The following PLEKHG5 variants were observed in gnomAD, a reference collection of about 807,000 sequenced individuals.
PLEKHG5 encodes pleckstrin homology and RhoGEF domain containing G5, also known as pleckstrin homology domain-containing family G member 5.
PLEKHG5 carries 52 observed loss-of-function variants against 103.8 expected under a neutral mutation model. The observed-to-expected ratio is 0.50, with a 90% CI of 0.40 to 0.63. The LOEUF is 0.63. PLEKHG5 is among the 30% of genes least tolerant of loss of function. The pLI, the probability that PLEKHG5 is intolerant of heterozygous loss-of-function variation, is 0.00. For missense variants in PLEKHG5, 1,205 were observed against 1,347.6 expected (o/e 0.89, Z 1.66); for synonymous variants, 592 against 575.5 (o/e 1.03, Z -0.41).
intron 1 of PLEKHG5, among the ~76,000 whole-genome samples, chr1:6,481,502 G>T (rs114843222): frequency 0.01 from 1,528 of 151,576 alleles, 21 homozygotes; most frequent in African/African-American, 0.035. Flanking sequence ...TCGCACTCCA[G>T]CCTGGGGCAA....
intron 7 of PLEKHG5, 112 bp from the exon 8 acceptor site, chr1:6,473,566 A>T: frequency 1.2e-6 from 1 of 803,316 alleles, no homozygotes. Flanking sequence ...GGGTCTCTGC[A>T]TCTCTACCCT....
chr1:6,503,363 C>T (rs888715830), intron 1 of PLEKHG5, among the ~76,000 whole-genome samples: 2 of 150,696 alleles, frequency 1.3e-5, no homozygotes, highest in Admixed American at 6.6e-5. Flanking sequence ...GCTGTGATCT[C>T]GCCACTGCAC....
At chr1:6,489,884 G>A (rs1364805051) in intron 1 of PLEKHG5, among the ~76,000 whole-genome samples, 1 of 152,202 alleles carries the variant, frequency 6.6e-6, no homozygotes, top group African/African-American at 2.4e-5. Context: ...CTCAACTTGA[G>A]GAGTTACTAA....
chr1:6,500,793 G>A (rs1029456564), upstream of PLEKHG5, among the ~76,000 whole-genome samples: 31 of 152,034 alleles, frequency 2.0e-4, no homozygotes, highest in Admixed American at 8.5e-4. Flanking sequence ...GCCTCCCCAC[G>A]TGCGCAACAG....
chr1:6,467,970 T>C lies in PLEKHG5; in HGVS notation c.2866A>G (p.Arg956Gly), dbSNP rs1644439373. ...AGEPAGSHRK[R>G]CGDLPSGASP... ...GCCCCCGAGGGCAGGTCTCCACACCTCTTCCTGTGGGAGCCTGCAGGTTCC... is the reference window on the plus strand; with the variant it reads ...GCCCCCGAGGGCAGGTCTCCACACCCCTTCCTGTGGGAGCCTGCAGGTTCC... Residue 956 changes from arginine to glycine, a missense_variant, in exon 20 of 21, where the codon AGG (arginine) becomes GGG (glycine). Transcript: ENST00000377728. 6.4e-7 allele frequency: 1 copy of C among 1,562,114 alleles called. No homozygotes were observed. Among genetic ancestry groups the C allele is most frequent in the African/African-American group, 1.4e-5 (1 of 73,672 alleles).
chr1:6,488,374 AG>A (rs2148618242), intron 1 of PLEKHG5, among the ~76,000 whole-genome samples: 2 of 152,370 alleles, frequency 1.3e-5, no homozygotes, highest in East Asian at 3.9e-4. Flanking sequence ...TGGGGCCTGA[AG>A]ACAGCTGAAT....
Position 6,468,277 on chromosome 1 carries a change from T to G in PLEKHG5, c.2559A>C (p.Pro853=), listed in dbSNP as rs1013889663. The G allele has an allele frequency of 6.2e-7, 1 of 1,602,842 alleles. No homozygotes were observed. Among genetic ancestry groups the G allele is most frequent in the Non-Finnish European group, 8.5e-7 (1 of 1,174,394 alleles). Residue 853 remains proline, a synonymous_variant, in exon 20 of 21, where the codon CCA becomes CCC. Transcript: ENST00000377728. ...APESPRVPSP[P]PSPRLRRRTP... ...TGCGGCGGCGGAGACGGGGCGAGGG[T>G]GGAGGGGAAGGAACTCGTGGGGACT...
chr1:6,498,391 A>G (rs536422317), upstream of PLEKHG5, among the ~76,000 whole-genome samples: 1 of 152,198 alleles, frequency 6.6e-6, no homozygotes, highest in Admixed American at 6.5e-5. Context: ...ACAGGTGACC[A>G]GAAACTGGTG....
At chr1:6,468,653 G>A in intron 19 of PLEKHG5, 67 bp from the exon 20 acceptor site, 2 of 1,559,796 alleles carry the variant, frequency 1.3e-6, no homozygotes, top group Non-Finnish European at 1.8e-6. Context: ...GCCCCAGGCT[G>A]GGCAATGCAC....
intron 1 of PLEKHG5, among the ~76,000 whole-genome samples, chr1:6,507,591 G>T (rs982989220): frequency 2.0e-5 from 3 of 152,218 alleles, no homozygotes; most frequent in Non-Finnish European, 4.4e-5. Context: ...CCAGGCAGAG[G>T]GAGCTGGCAG....
upstream of PLEKHG5, among the ~76,000 whole-genome samples, chr1:6,495,941 C>T (rs74049592): frequency 0.061 from 9,305 of 152,300 alleles, 885 homozygotes; most frequent in African/African-American, 0.2. Flanking sequence ...CTCCTTCCTG[C>T]CCCCTTTATC....
rs983736853 is a variant in PLEKHG5, at chr1:6,511,679, C to T, written c.-165+7766G>A. ...CTGAGGCAGCAGGGCCACGACAGGG[C>T]TCACAGAGCGAGGACTGGGCCGGCA... On this transcript the variant is annotated intron_variant, in intron 1 of 21. Transcript: ENST00000377740. 5.3e-5 allele frequency among the ~76,000 whole-genome samples: 8 copies of T among 152,364 alleles called. No homozygotes were observed. In the East Asian group the frequency reaches 1.5e-3, roughly 29 times the overall value.
chr1:6,494,120 T>A (rs1347423454), upstream of PLEKHG5, among the ~76,000 whole-genome samples: 1 of 77,324 alleles, frequency 1.3e-5, no homozygotes, highest in East Asian at 3.9e-4. Flanking sequence ...CCTGGCTAAT[T>A]TTTTTTTTTT....
Position 6,470,889 on chromosome 1 carries a change from G to T in PLEKHG5, c.1393-5C>A, listed in dbSNP as rs780578894. ...CTGTGGGTGCTTCTCCGCCCACTGC[G>T]GTGGGGGAGTGGGGGCGGGCTCAGG... is the stretch of plus-strand genomic sequence containing the variant. On this transcript the variant is annotated splice_polypyrimidine_tract_variant and splice_region_variant and intron_variant, in intron 13 of 20. Transcript: ENST00000377728. 1 of 1,439,304 alleles carries T rather than the reference G, an allele frequency of 6.9e-7. No individual in the cohort carries two copies. Among genetic ancestry groups the T allele is most frequent in the Non-Finnish European group, 9.1e-7 (1 of 1,101,316 alleles). The allele number at this position is 1,439,304 out of a possible 1,614,324, so 89.2% of individuals were successfully genotyped here. A position where few individuals can be genotyped will look rare whatever the true frequency, so the allele number is the denominator to read the frequency against.
upstream of PLEKHG5, among the ~76,000 whole-genome samples, chr1:6,500,774 C>T (rs956535282): frequency 1.3e-5 from 2 of 152,156 alleles, no homozygotes; most frequent in African/African-American, 4.8e-5. Context: ...CCACTGCATG[C>T]CAGACACTGC....
chr1:6,508,639 C>T (rs775711926), intron 1 of PLEKHG5, among the ~76,000 whole-genome samples: 42 of 152,250 alleles, frequency 2.8e-4, no homozygotes, highest in Non-Finnish European at 4.8e-4. Context: ...GACTGACGAG[C>T]GATGCCGCTG....
chr1:6,485,695 C>CCCCCGCCT (rs1645019173), intron 1 of PLEKHG5: 1 of 326,286 alleles, frequency 3.1e-6, no homozygotes. Context: ...CCCGGGCGAC[C>CCCCCGCCT]CCCCGCCTCC....
rs868161574 is a variant in PLEKHG5 at position 6,470,770 on chromosome 1, C to T, written c.1507G>A (p.Glu503Lys). The T allele has an allele frequency of 2.6e-6, 4 of 1,566,526 alleles. No homozygotes were observed. The highest frequency in any genetic ancestry group is 1.9e-5 in the Admixed American group (1 of 53,190). ...ACGGCCTCCTTGGCGCGCGGCTCCT[C>T]GGTCTTCCTCAGCACCGACTTGAGC... ...LLLKSVLRKT[E>K]EPRAKEAVVA... Residue 503 changes from glutamate (E) to lysine (K), a missense_variant, in exon 14 of 21, where the codon GAG becomes AAG. By Grantham distance (56) the Glu-to-Lys change is moderately conservative. Coordinates refer to ENST00000377728, the MANE Select transcript of PLEKHG5 (RefSeq NM_020631.6).
intron 2 of PLEKHG5, among the ~76,000 whole-genome samples, chr1:6,477,134 C>G (rs1644783519): frequency 6.6e-6 from 1 of 152,186 alleles, no homozygotes; most frequent in Non-Finnish European, 1.5e-5. Context: ...CAAGTGCCTC[C>G]TGACCTGGCC....
Sources: allele counts gnomAD v4.1 joint callset (sites outside exome capture counted in the v4.1 genomes callset), GRCh38; gene constraint gnomAD v4.1.1; transcripts MANE v1.5; gene names NCBI Gene and HGNC (gene_info 2026-07-23, HGNC 2026-07-21).